RNF125: variants seen among roughly 807,000 people sequenced by gnomAD.
The protein encoded by RNF125 is E3 ubiquitin-protein ligase RNF125.
Under a neutral mutation model 26.0 loss-of-function variants are expected in RNF125, and 21 were observed. That is an observed-to-expected ratio of 0.81 (90% CI 0.57 to 1.16). The LOEUF is 1.16. Among genes scored for constraint, RNF125 ranks in the 50% most tolerant of loss-of-function variants. The probability of loss-of-function intolerance (pLI) is 0.00; values close to 1 mark genes in which losing one functional copy is unlikely to be tolerated. For synonymous variants in RNF125, 95 were observed against 109.2 expected, an observed-to-expected ratio of 0.87 and a Z score of 0.81; for missense variants, 270 against 299.4, an observed-to-expected ratio of 0.90 and a Z score of 0.72.
chr18:32,029,662 CAT>C (rs1369410090), intron 1 of RNF125, among the ~76,000 whole-genome samples: 2 of 151,810 alleles, frequency 1.3e-5, no homozygotes, highest in Non-Finnish European at 2.9e-5. Flanking sequence ...TACTCAAAGA[CAT>C]TTGTTGTCAG....
intron 4 of RNF125, among the ~76,000 whole-genome samples, chr18:32,056,092 C>CT (rs1377453102): frequency 2.7e-5 from 4 of 150,858 alleles, no homozygotes; most frequent in Middle Eastern, 3.5e-3. Context: ...ATAAAAGACA[C>CT]TTTGTTTTTA....
intron 4 of RNF125, among the ~76,000 whole-genome samples, chr18:32,050,846 A>AGTCTCT (rs1568202831): frequency 9.6e-6 from 1 of 104,508 alleles, no homozygotes; most frequent in African/African-American, 5.2e-5. Context: ...CCCTCCAGCT[A>AGTCTCT]GTCTCTCGGT....
At chr18:32,042,488 A>G (rs2039231178) in intron 3 of RNF125, among the ~76,000 whole-genome samples, 1 of 152,234 alleles carries the variant, frequency 6.6e-6, no homozygotes, top group Non-Finnish European at 1.5e-5. Flanking sequence ...GTAACCAACC[A>G]CAGACTGGAG....
In RNF125 at chr18:32,045,670, C is replaced by A; in HGVS notation, c.442C>A (p.Leu148Met). ...TGTATGTCCCTTTTGTCAGAGGGAA[C>A]TGTATGAAGACAGCTTGCTGGATCA... is the stretch of plus-strand genomic sequence containing the variant. ...RCVCPFCQRE[L>M]YEDSLLDHCI... The change falls in exon 4 of 6, where the codon CTG (leucine) becomes ATG (methionine). Residue 148 changes from leucine (L) to methionine (M), a missense_variant. Coordinates refer to ENST00000217740, the MANE Select transcript of RNF125 (RefSeq NM_017831.4). The A allele has an allele frequency of 6.2e-7, 1 of 1,611,716 alleles. No individual in the cohort carries two copies. Among genetic ancestry groups the A allele is most frequent in the Non-Finnish European group, 8.5e-7 (1 of 1,179,120 alleles).
intron 1 of RNF125, among the ~76,000 whole-genome samples, chr18:32,027,785 G>A (rs1411787962): frequency 1.3e-5 from 2 of 152,040 alleles, no homozygotes; most frequent in Non-Finnish European, 2.9e-5. Context: ...TGGGATAAAA[G>A]CATACACATT....
intron 2 of RNF125, among the ~76,000 whole-genome samples, chr18:32,037,733 C>T (rs149911931): frequency 9.2e-5 from 14 of 152,124 alleles, no homozygotes; most frequent in East Asian, 1.9e-4. Context: ...CACCAATTAG[C>T]GCTCTGTAAA....
intron 4 of RNF125, among the ~76,000 whole-genome samples, chr18:32,049,684 C>A (rs974263754): frequency 6.6e-6 from 1 of 152,018 alleles, no homozygotes; most frequent in African/African-American, 2.4e-5. Context: ...GAAGCAGGAG[C>A]AGATTGTTCA....
chr18:32,047,922 C>T (rs1351321600), intron 4 of RNF125, among the ~76,000 whole-genome samples: 1 of 152,056 alleles, frequency 6.6e-6, no homozygotes, highest in Non-Finnish European at 1.5e-5. Context: ...GCCAAGAGTT[C>T]GAGACCAGCC....
chr18:32,059,017 T>A (rs2039411897), intron 4 of RNF125, among the ~76,000 whole-genome samples: 1 of 152,224 alleles, frequency 6.6e-6, no homozygotes, highest in South Asian at 2.1e-4. Context: ...TACCCACTTG[T>A]CTGTTGCTGG....
chr18:32,025,377 C>T (rs2039023054), intron 1 of RNF125, among the ~76,000 whole-genome samples: 1 of 151,894 alleles, frequency 6.6e-6, no homozygotes, highest in African/African-American at 2.4e-5. Context: ...CAGAGGACCC[C>T]CAATGGCCAG....
intron 4 of RNF125, among the ~76,000 whole-genome samples, chr18:32,052,904 C>A (rs1273142071): frequency 3.9e-5 from 6 of 152,158 alleles, no homozygotes; most frequent in African/African-American, 1.4e-4. Flanking sequence ...TACTTGGCAA[C>A]TGAAATCCCT....
chr18:32,024,204 T>C (rs1598806562), intron 1 of RNF125, among the ~76,000 whole-genome samples: 1 of 95,908 alleles, frequency 1.0e-5, no homozygotes, highest in African/African-American at 4.7e-5. Flanking sequence ...TTTTTTTTTT[T>C]TTTTCTTTTT....
chr18:32,084,252 G>A, the RNF125 span, among the ~76,000 whole-genome samples: 1 of 152,148 alleles, frequency 6.6e-6, no homozygotes, highest in Non-Finnish European at 1.5e-5. Flanking sequence ...CTACTTGGGA[G>A]GCTGAGGCAG....
chr18:32,076,951 T>C (rs2039574350), downstream of RNF125, among the ~76,000 whole-genome samples: 1 of 152,232 alleles, frequency 6.6e-6, no homozygotes, highest in Non-Finnish European at 1.5e-5. Flanking sequence ...GTCTATTGTT[T>C]TACTGTAATG....
chr18:32,018,888 AGCG>A lies in RNF125; in HGVS notation c.28_30del (p.Gly10del), dbSNP rs753146462. Reference sequence around the variant, plus strand: ...GATGGGCTCCGTGCTGAGCACCGACAGCGGCAAATCGGCGCCCGCCTCTGCCAC... The same window carrying A: ...GATGGGCTCCGTGCTGAGCACCGACAGCAAATCGGCGCCCGCCTCTGCCAC... On this transcript the variant is annotated inframe_deletion, in exon 1 of 6. Coordinates refer to ENST00000217740, the MANE Select transcript of RNF125 (RefSeq NM_017831.4). The A allele has an allele frequency of 3.2e-4, 516 of 1,594,980 alleles. 1 individual carries two copies. The African/African-American group carries it at 6.2e-3, about 19-fold the overall frequency.
intron 1 of RNF125, among the ~76,000 whole-genome samples, chr18:32,034,710 C>T (rs531096522): frequency 9.2e-5 from 14 of 151,858 alleles, no homozygotes; most frequent in African/African-American, 3.4e-4. Flanking sequence ...GTCAGGAGTT[C>T]AAGACCAGCC....
At chr18:32,064,335 T>TCA (rs112779322) in intron 4 of RNF125, among the ~76,000 whole-genome samples, 5,640 of 145,722 alleles carry the variant, frequency 0.039, 148 homozygotes, top group South Asian at 0.062. Flanking sequence ...AAACTATATC[T>TCA]CACACACACA....
At chr18:32,058,551 G>C (rs1395666297) in intron 4 of RNF125, among the ~76,000 whole-genome samples, 4 of 152,032 alleles carry the variant, frequency 2.6e-5, no homozygotes, top group Non-Finnish European at 5.9e-5. Flanking sequence ...TCACCACGTT[G>C]GTTAGGCTGG....
At position 32,065,943 on chromosome 18, in the gene RNF125, C is replaced by T; in HGVS notation, c.546C>T (p.Ser182=). The change falls in exon 5 of 6, where the codon AGC becomes AGT. Residue 182 remains serine, a synonymous_variant. Transcript: ENST00000217740. The part of the protein sequence containing the change: ...LCRLIPDENP[S]SFSGSLIRHL... The stretch of plus-strand genomic sequence containing the variant: ...GTTTAATACCCGATGAGAATCCAAG[C>T]AGCTTCAGTGGCAGTTTAATAAGAC... 6.2e-7 allele frequency: 1 copy of T among 1,613,822 alleles called. No homozygotes were observed. Among genetic ancestry groups the T allele is most frequent in the Non-Finnish European group, 8.5e-7 (1 of 1,179,702 alleles).
Sources: gnomAD v4.1 joint callset for allele counts (sites outside exome capture counted in the v4.1 genomes callset) on GRCh38, gnomAD v4.1.1 for gene constraint, MANE v1.5 for transcripts, NCBI Gene and HGNC (gene_info 2026-07-23, HGNC 2026-07-21) for gene names.